The following GBP7 variants were observed in gnomAD, a reference collection of about 807,000 sequenced individuals.
The protein encoded by GBP7 is guanylate-binding protein 7.
GBP7 carries 43 observed loss-of-function variants against 61.3 expected under a neutral mutation model. That is an observed-to-expected ratio of 0.70 (90% CI 0.55 to 0.91). GBP7 has a LOEUF of 0.91. GBP7 is among the 40% of genes least tolerant of loss of function. The probability of loss-of-function intolerance (pLI) is 0.00; values close to 1 mark genes in which losing one functional copy is unlikely to be tolerated. For synonymous variants in GBP7, 267 were observed against 271.0 expected, an observed-to-expected ratio of 0.99 and a Z score of 0.14; for missense variants, 717 against 740.5, an observed-to-expected ratio of 0.97 and a Z score of 0.37.
At chr1:89,158,950 G>T (rs1163342629) in intron 3 of GBP7, among the ~76,000 whole-genome samples, 1 of 152,112 alleles carries the variant, frequency 6.6e-6, no homozygotes, top group Non-Finnish European at 1.5e-5. Context: ...CACACTACCC[G>T]ATTTCAAACT....
rs1485075913 is a variant in GBP7 at position 89,152,313 on chromosome 1, T to G, written c.580A>C (p.Ile194Leu). ...TTCTCCAGGTACTCATCTTCTGTGA[T>G]GGGGTGTCCATCTAACTTCAGCTCC... ...TLELKLDGHP[I>L]TEDEYLENAL... The change falls in exon 5 of 11, where the codon ATC becomes CTC. Residue 194 changes from isoleucine (I) to leucine (L), a missense_variant. This residue lies in a region of GBP7 where 387 missense variants were observed against 385.2 expected (regional missense o/e 1.00). Transcript: ENST00000294671. 1.9e-6 allele frequency: 3 copies of G among 1,614,162 alleles called. No individual in the cohort carries two copies. Among genetic ancestry groups the G allele is most frequent in the Non-Finnish European group, 8.5e-7 (1 of 1,180,018 alleles).
intron 7 of GBP7, among the ~76,000 whole-genome samples, chr1:89,148,626 A>G (rs562129183): frequency 6.6e-6 from 1 of 152,226 alleles, no homozygotes; most frequent in Non-Finnish European, 1.5e-5. Flanking sequence ...CAAGAGAAAC[A>G]TTTGATGCAT....
chr1:89,136,988 A>G (rs1482977515), intron 9 of GBP7, among the ~76,000 whole-genome samples: 1 of 152,136 alleles, frequency 6.6e-6, no homozygotes, highest in Non-Finnish European at 1.5e-5. Flanking sequence ...TATCAACTCC[A>G]CAGAAATACA....
chr1:89,167,323 C>T (rs763621629), intron 2 of GBP7, among the ~76,000 whole-genome samples: 28 of 152,302 alleles, frequency 1.8e-4, no homozygotes, highest in South Asian at 6.2e-4. Context: ...AAGGTCACCT[C>T]AATAAAAGGC....
At chr1:89,134,293 A>G (rs1570336791) in intron 9 of GBP7, among the ~76,000 whole-genome samples, 1 of 152,022 alleles carries the variant, frequency 6.6e-6, no homozygotes, top group Admixed American at 6.6e-5. Context: ...TGGTACACAT[A>G]CCTGTGCAGA....
At chr1:89,173,152 T>C (rs1647650243) in intron 1 of GBP7, among the ~76,000 whole-genome samples, 1 of 152,204 alleles carries the variant, frequency 6.6e-6, no homozygotes, top group Non-Finnish European at 1.5e-5. Flanking sequence ...TTTCCTGCTT[T>C]ATCCCTAGAA....
intron 9 of GBP7, among the ~76,000 whole-genome samples, chr1:89,135,364 C>A (rs1399898387): frequency 6.6e-6 from 1 of 152,062 alleles, no homozygotes; most frequent in Non-Finnish European, 1.5e-5. Context: ...AGATCCTATA[C>A]AAGATGACCA....
intron 3 of GBP7, among the ~76,000 whole-genome samples, chr1:89,158,970 G>A (rs1353013357): frequency 1.3e-5 from 2 of 152,116 alleles, no homozygotes; most frequent in Non-Finnish European, 2.9e-5. Flanking sequence ...TATACTACAA[G>A]GCTACAGTAA....
At position 89,132,252 on chromosome 1, in the gene GBP7, A is replaced by G. The variant is rs569758106; in HGVS notation, c.1814T>C (p.Ile605Thr). 86 of 1,614,004 alleles carry G rather than the reference A, an allele frequency of 5.3e-5. 1 individual carries two copies. The South Asian group carries it at 6.9e-4, about 13-fold the overall frequency. The change falls in exon 11 of 11, where the codon ATT (isoleucine) becomes ACT (threonine). Residue 605 changes from isoleucine (I) to threonine (T), a missense_variant. By Grantham distance (89) the Ile-to-Thr change is moderately conservative (BLOSUM62 -1). Around this residue, in one of 3 missense-constraint regions of GBP7, gnomAD observed 312 missense variants for 310.1 expected, o/e 1.01. Transcript: ENST00000294671. The part of the protein sequence containing the change: ...QILDVAGSIF[I>T]AALPGAAKLV... ...CTTAGCAGCCCCAGGTAGTGCTGCAATAAATATACTGCCAGCCACATCAAG... is the reference window on the plus strand; with the variant it reads ...CTTAGCAGCCCCAGGTAGTGCTGCAGTAAATATACTGCCAGCCACATCAAG...
intron 3 of GBP7, among the ~76,000 whole-genome samples, chr1:89,159,118 T>G (rs956676453): frequency 4.6e-5 from 7 of 152,184 alleles, no homozygotes; most frequent in Admixed American, 4.6e-4. Flanking sequence ...GGGAAAGGAT[T>G]CCCTATTTGA....
At chr1:89,159,998 T>C (rs1405818241) in intron 3 of GBP7, among the ~76,000 whole-genome samples, 2 of 152,168 alleles carry the variant, frequency 1.3e-5, no homozygotes, top group East Asian at 1.9e-4. Context: ...TAAAAAAACA[T>C]GGCACATATA....
intron 3 of GBP7, among the ~76,000 whole-genome samples, chr1:89,163,847 C>CTT (rs570910409): frequency 0.011 from 1,674 of 146,022 alleles, 25 homozygotes; most frequent in African/African-American, 0.039. Context: ...CTTTTTCTTT[C>CTT]TTTTTTTTTT....
In GBP7 at chr1:89,152,664, A is replaced by T. The variant is rs1185744230; in HGVS notation, c.428+4T>A. On this transcript the variant is annotated splice_donor_region_variant and intron_variant, in intron 4 of 10. Transcript: ENST00000294671. The stretch of plus-strand genomic sequence containing the variant: ...ACCTGGCTCTTCACTTCCTGGAAGG[A>T]TACTGCAGCTGCTCCAGGGCCTGGT... 7 of 1,611,102 alleles carry T rather than the reference A, an allele frequency of 4.3e-6. No individual in the cohort carries two copies. The highest frequency in any genetic ancestry group is 1.7e-5 in the Admixed American group (1 of 59,726).
At chr1:89,165,802 G>T (rs1251171372) in intron 2 of GBP7, among the ~76,000 whole-genome samples, 3 of 152,126 alleles carry the variant, frequency 2.0e-5, no homozygotes. Flanking sequence ...AGTATTAGGA[G>T]AAATGCCTAA....
chr1:89,160,853 G>A (rs1282125656), intron 3 of GBP7, among the ~76,000 whole-genome samples: 1 of 151,992 alleles, frequency 6.6e-6, no homozygotes, highest in Non-Finnish European at 1.5e-5. Context: ...GTGTCATGGG[G>A]GTTCGTTGCA....
chr1:89,140,022 G>A (rs1424120267), intron 9 of GBP7, among the ~76,000 whole-genome samples: 1 of 152,082 alleles, frequency 6.6e-6, no homozygotes, highest in Non-Finnish European at 1.5e-5. Flanking sequence ...ATTCACAATA[G>A]CAAAGACTTG....
chr1:89,136,132 A>C (rs1681795033), intron 9 of GBP7, among the ~76,000 whole-genome samples: 1 of 152,222 alleles, frequency 6.6e-6, no homozygotes, highest in Admixed American at 6.5e-5. Context: ...ATATGTATGC[A>C]CCCAATACTA....
chr1:89,151,660 G>A (rs187614718), intron 5 of GBP7, among the ~76,000 whole-genome samples: 83 of 152,214 alleles, frequency 5.5e-4, no homozygotes, highest in Non-Finnish European at 1.0e-3. Context: ...CATATTATAT[G>A]AGACTGTAGA....
At position 89,142,697 on chromosome 1, in the gene GBP7, T is replaced by C. The variant is rs542385091; in HGVS notation, c.1366-1049A>G. On this transcript the variant is annotated intron_variant, in intron 8 of 10. Coordinates refer to ENST00000294671, the MANE Select transcript of GBP7 (RefSeq NM_207398.3). ...AGGCATAAATACCTCAGCCAATAAG[T>C]GATTAGTGACTGAAATTTGGGTGTG... Among the ~76,000 whole-genome samples, 22 of 152,124 alleles carry C rather than the reference T, an allele frequency of 1.4e-4. 1 individual carries two copies. Among genetic ancestry groups the C allele is most frequent in the South Asian group, 6.2e-4 (3 of 4,812 alleles).
Sources: gnomAD v4.1 joint callset for allele counts (sites outside exome capture counted in the v4.1 genomes callset) on GRCh38, gnomAD v4.1.1 for gene constraint, gnomAD v4.1.1 regional missense constraint, MANE v1.5 for transcripts, NCBI Gene and HGNC (gene_info 2026-07-23, HGNC 2026-07-21) for gene names.